Variants in AOAH observed in about 807,000 individuals in gnomAD.
The protein encoded by AOAH is acyloxyacyl hydrolase.
Under a neutral mutation model 92.2 loss-of-function variants are expected in AOAH, and 64 were observed. The observed-to-expected ratio is 0.69, with a 90% CI of 0.57 to 0.86. The LOEUF (loss-of-function observed/expected upper bound fraction) is 0.86, where lower values mean the gene tolerates loss of function less well. Ranked by LOEUF, AOAH falls within the 40% of genes least tolerant of loss-of-function variation. AOAH has a pLI of 0.00. For missense variants in AOAH, 656 were observed against 694.6 expected, an observed-to-expected ratio of 0.94 and a Z score of 0.62; for synonymous variants, 263 against 254.5, an observed-to-expected ratio of 1.03 and a Z score of -0.32.
intron 5 of AOAH, among the ~76,000 whole-genome samples, chr7:36,633,271 G>A (rs57098311): frequency 0.024 from 3,628 of 152,240 alleles, 100 homozygotes; most frequent in African/African-American, 0.059. Flanking sequence ...GGGGTGGGTC[G>A]TGGCAGCCTA....
chr7:36,628,022 T>A (rs900933079), intron 6 of AOAH, among the ~76,000 whole-genome samples: 1 of 152,064 alleles, frequency 6.6e-6, no homozygotes, highest in Non-Finnish European at 1.5e-5. Flanking sequence ...TGGTTGCGTA[T>A]GTGGGTGGAT....
chr7:36,572,760 C>A (rs998245025), intron 13 of AOAH, among the ~76,000 whole-genome samples: 2 of 152,136 alleles, frequency 1.3e-5, no homozygotes, highest in Admixed American at 1.3e-4. Flanking sequence ...CAGTCACACA[C>A]CAGGTTTTGT....
chr7:36,586,952 G>A (rs1314167216), intron 12 of AOAH, among the ~76,000 whole-genome samples: 2 of 152,066 alleles, frequency 1.3e-5, no homozygotes, highest in South Asian at 2.1e-4. Context: ...AGTCTGTTAC[G>A]ATGTTTTGGT....
intron 1 of AOAH, among the ~76,000 whole-genome samples, chr7:36,717,173 T>G (rs1286704354): frequency 1.3e-5 from 2 of 152,152 alleles, no homozygotes; most frequent in African/African-American, 4.8e-5. Flanking sequence ...TCAGGTCTTC[T>G]GGTTAGTTCC....
chr7:36,722,800 GGT>G (rs1799718612), intron 1 of AOAH, among the ~76,000 whole-genome samples: 1 of 151,844 alleles, frequency 6.6e-6, no homozygotes, highest in South Asian at 2.1e-4. Context: ...TGGGTGTGGT[GGT>G]GTGCATCTGT....
intron 4 of AOAH, among the ~76,000 whole-genome samples, chr7:36,640,688 T>C (rs1793840219): frequency 6.6e-6 from 1 of 152,008 alleles, no homozygotes; most frequent in African/African-American, 2.4e-5. Context: ...GGTGACAGAG[T>C]TGTCCTGCAG....
intron 12 of AOAH, among the ~76,000 whole-genome samples, chr7:36,580,792 C>T (rs1268202628): frequency 2.0e-5 from 3 of 152,166 alleles, no homozygotes; most frequent in Non-Finnish European, 4.4e-5. Flanking sequence ...CTTGGGGAAC[C>T]CTGCTGTCAG....
intron 2 of AOAH, among the ~76,000 whole-genome samples, chr7:36,685,256 G>C (rs1796928831): frequency 1.3e-5 from 2 of 152,156 alleles, no homozygotes; most frequent in Non-Finnish European, 2.9e-5. Flanking sequence ...AGACTCAAAA[G>C]ACACATCAAA....
At chr7:36,514,649 G>T (rs1222357083) in intron 20 of AOAH, 76 of 1,221,282 alleles carry the variant, frequency 6.2e-5, no homozygotes, top group Non-Finnish European at 8.7e-5. Context: ...GACTCCAGAT[G>T]GCTCCATCTC....
intron 11 of AOAH, among the ~76,000 whole-genome samples, chr7:36,610,516 A>G (rs144163403): frequency 0.035 from 5,265 of 151,734 alleles, 118 homozygotes; most frequent in Non-Finnish European, 0.052. Flanking sequence ...TTTTTTAAAA[A>G]AAAAGAATAT....
intron 3 of AOAH, among the ~76,000 whole-genome samples, chr7:36,666,457 G>C (rs771165649): frequency 5.9e-5 from 9 of 151,970 alleles, no homozygotes; most frequent in Non-Finnish European, 1.2e-4. Context: ...AGGCTGGCTA[G>C]AGGCTTATCA....
intron 13 of AOAH, among the ~76,000 whole-genome samples, chr7:36,558,423 TCG>T (rs1262455850): frequency 8.5e-4 from 130 of 152,330 alleles, no homozygotes; most frequent in African/African-American, 3.0e-3. Flanking sequence ...GTTAGGCTGC[TCG>T]GGGGTCAGGG....
chr7:36,626,196 A>G (rs566517984), intron 6 of AOAH, among the ~76,000 whole-genome samples: 4 of 152,176 alleles, frequency 2.6e-5, no homozygotes, highest in East Asian at 1.9e-4. Context: ...GAGAGAGAGA[A>G]AGAGACAGAA....
At chr7:36,651,369 C>T (rs1794566770) in intron 4 of AOAH, among the ~76,000 whole-genome samples, 1 of 152,112 alleles carries the variant, frequency 6.6e-6, no homozygotes. Context: ...TATCAGTAGA[C>T]TTATTTATAA....
intron 13 of AOAH, among the ~76,000 whole-genome samples, chr7:36,574,146 T>C (rs1788328586): frequency 6.6e-6 from 1 of 152,158 alleles, no homozygotes; most frequent in Non-Finnish European, 1.5e-5. Context: ...ACTAAAAAAA[T>C]ATCTTTTTAC....
intron 4 of AOAH, among the ~76,000 whole-genome samples, chr7:36,640,065 G>A (rs1419531142): frequency 6.6e-6 from 1 of 152,166 alleles, no homozygotes. Flanking sequence ...GGGAGGTCTA[G>A]GGTGGGTTCA....
intron 20 of AOAH, among the ~76,000 whole-genome samples, chr7:36,515,575 C>T (rs1359965172): frequency 8.6e-6 from 1 of 116,594 alleles, no homozygotes. Flanking sequence ...ACACCCCCCC[C>T]ACACACCACA....
At chr7:36,709,647 C>T (rs1291292305) in intron 1 of AOAH, among the ~76,000 whole-genome samples, 3 of 152,000 alleles carry the variant, frequency 2.0e-5, no homozygotes, top group South Asian at 2.1e-4. Flanking sequence ...TCTCTAATTA[C>T]ATCTGCATTT....
intron 18 of AOAH, among the ~76,000 whole-genome samples, chr7:36,531,532 G>A (rs755088815): frequency 6.6e-6 from 1 of 152,090 alleles, no homozygotes; most frequent in African/African-American, 2.4e-5. Flanking sequence ...TTTTTTAGTA[G>A]AGATGGGGTT....
Sources: gnomAD v4.1 joint callset for allele counts (sites outside exome capture counted in the v4.1 genomes callset) on GRCh38, gnomAD v4.1.1 for gene constraint, MANE v1.5 for transcripts, NCBI Gene and HGNC (gene_info 2026-07-23, HGNC 2026-07-21) for gene names.